Variants in WDR7 observed in about 807,000 individuals in gnomAD.
The protein encoded by WDR7 is WD repeat domain 7, also known as WD repeat-containing protein 7.
A neutral mutation model predicts 169.4 loss-of-function variants in WDR7; 46 were observed. That is an observed-to-expected ratio of 0.27 (90% CI 0.21 to 0.35). The LOEUF is 0.35. Ranked by LOEUF, WDR7 falls within the 10% of genes least tolerant of loss-of-function variation. WDR7 has a pLI of 1.00. For synonymous variants in WDR7, 612 were observed against 666.8 expected (o/e 0.92, Z 1.27); for missense variants, 1,534 against 1,859.3 (o/e 0.83, Z 3.22).
At chr18:56,662,821 A>G (rs1305815003) in intron 1 of WDR7, among the ~76,000 whole-genome samples, 2 of 152,244 alleles carry the variant, frequency 1.3e-5, no homozygotes, top group East Asian at 3.8e-4. Flanking sequence ...AACATTCTAC[A>G]AACAATTGGT....
intron 1 of WDR7, among the ~76,000 whole-genome samples, chr18:56,663,575 GATGCACAGACTTTTTAAAAACACACATAT>G (rs2144466708): frequency 6.6e-6 from 1 of 151,636 alleles, no homozygotes; most frequent in East Asian, 1.9e-4. Flanking sequence ...TACACATATA[GATGCACAGACTTTTTAAAAACACACATAT>G]ATGCACAGCA....
intron 5 of WDR7, among the ~76,000 whole-genome samples, chr18:56,684,005 A>G (rs1046766361): frequency 1.3e-5 from 2 of 152,154 alleles, no homozygotes; most frequent in Non-Finnish European, 2.9e-5. Context: ...ATGGAAAAAT[A>G]GTATGGAGAG....
At chr18:56,789,863 AGTCT>A (rs2044457936) in intron 19 of WDR7, among the ~76,000 whole-genome samples, 2 of 152,230 alleles carry the variant, frequency 1.3e-5, no homozygotes, top group South Asian at 4.1e-4. Flanking sequence ...TACATACTTA[AGTCT>A]AAGAGGACTG....
chr18:56,656,904 T>G (rs1199659812), intron 1 of WDR7, among the ~76,000 whole-genome samples: 2 of 152,150 alleles, frequency 1.3e-5, no homozygotes, highest in Admixed American at 6.5e-5. Flanking sequence ...AGTAAAATAT[T>G]GTAGTTTATA....
chr18:56,797,560 T>C (rs1222471141), intron 19 of WDR7, among the ~76,000 whole-genome samples: 4 of 151,934 alleles, frequency 2.6e-5, no homozygotes, highest in Admixed American at 6.6e-5. Flanking sequence ...AAATAGGATA[T>C]GTAGGAAAAG....
chr18:56,883,002 C>T (rs895504290), intron 21 of WDR7, among the ~76,000 whole-genome samples: 21 of 151,912 alleles, frequency 1.4e-4, no homozygotes, highest in Non-Finnish European at 2.5e-4. Flanking sequence ...GTGGGTGGAT[C>T]GGGAGGTCAG....
At chr18:56,719,665 T>C (rs181727824) in intron 13 of WDR7, among the ~76,000 whole-genome samples, 1 of 152,250 alleles carries the variant, frequency 6.6e-6, no homozygotes, top group East Asian at 1.9e-4. Context: ...AATAGCAGTC[T>C]TGTGTTTTCT....
intron 14 of WDR7, 111 bp from the exon 15 acceptor site, chr18:56,756,469 TAGA>T (rs1248108112): frequency 1.8e-5 from 18 of 973,732 alleles, no homozygotes; most frequent in Non-Finnish European, 2.5e-5. Context: ...TATAGGTTCC[TAGA>T]AGGACAGCTT....
At chr18:56,950,761 G>A (rs1028955501) in intron 25 of WDR7, among the ~76,000 whole-genome samples, 2 of 152,056 alleles carry the variant, frequency 1.3e-5, no homozygotes, top group Admixed American at 6.5e-5. Context: ...ACTTTTCTTG[G>A]GATTCCTGAC....
intron 25 of WDR7, among the ~76,000 whole-genome samples, chr18:56,956,282 T>A (rs1413922593): frequency 6.6e-6 from 1 of 152,104 alleles, no homozygotes; most frequent in Non-Finnish European, 1.5e-5. Context: ...ACAACACAGC[T>A]CGCCCTGAGC....
Position 56,816,124 on chromosome 18 carries a change from T to C in WDR7, c.3284T>C (p.Val1095Ala). 6.2e-7 allele frequency: 1 copy of C among 1,613,716 alleles called. No homozygotes were observed. Among genetic ancestry groups the C allele is most frequent in the Non-Finnish European group, 8.5e-7 (1 of 1,179,884 alleles). Residue 1095 changes from valine (V) to alanine (A), a missense_variant, in exon 20 of 28, where the codon GTT becomes GCT. By Grantham distance (64) the Val-to-Ala change is moderately conservative. Transcript: ENST00000254442. ...AKVQEEEHDLVDDDITTGCLS... is the reference protein window; with the variant it reads ...AKVQEEEHDLADDDITTGCLS... ...GTCCAGGAGGAAGAGCATGACCTTG[T>C]TGACGATGACATCACCACTGGTAAG...
chr18:56,939,768 G>A (rs952244159), intron 25 of WDR7, among the ~76,000 whole-genome samples: 29 of 151,908 alleles, frequency 1.9e-4, no homozygotes, highest in African/African-American at 6.3e-4. Flanking sequence ...TTTGTGCCAC[G>A]CTTTCACTGA....
rs937422032 is a variant in WDR7 at position 56,953,323 on chromosome 18, A to T, written c.4065-9107A>T. On this transcript the variant is annotated intron_variant, in intron 25 of 27. Transcript: ENST00000254442. ...ATATTTATAACACTATATGGTGTTT[A>T]TCTTTAGAACTGAAAATAAAAATGA... Among the ~76,000 whole-genome samples, 46 of 152,234 alleles carry T rather than the reference A, an allele frequency of 3.0e-4. 1 individual carries two copies. Among genetic ancestry groups the T allele is most frequent in the Non-Finnish European group, 6.5e-4 (44 of 68,020 alleles).
At chr18:56,770,094 CT>C (rs2044129785) in intron 16 of WDR7, among the ~76,000 whole-genome samples, 1 of 152,140 alleles carries the variant, frequency 6.6e-6, no homozygotes, top group South Asian at 2.1e-4. Flanking sequence ...ATAACCTTCT[CT>C]TTATGTTTCT....
intron 21 of WDR7, among the ~76,000 whole-genome samples, chr18:56,921,660 C>T (rs1298336625): frequency 6.6e-6 from 1 of 152,110 alleles, no homozygotes; most frequent in Non-Finnish European, 1.5e-5. Context: ...AAAGGAGGGT[C>T]TTTTGAAAGG....
intron 20 of WDR7, among the ~76,000 whole-genome samples, chr18:56,835,997 A>G (rs1439856441): frequency 6.6e-6 from 1 of 152,194 alleles, no homozygotes; most frequent in Admixed American, 6.5e-5. Context: ...TTCTTTGAAT[A>G]TGAGATGCTT....
chr18:56,976,083 T>G (rs886585021), intron 26 of WDR7, among the ~76,000 whole-genome samples: 2 of 151,942 alleles, frequency 1.3e-5, no homozygotes, highest in African/African-American at 4.8e-5. Flanking sequence ...TGAGGTTGAA[T>G]TGAAGAAGGT....
intron 19 of WDR7, among the ~76,000 whole-genome samples, chr18:56,788,875 A>G (rs1479128475): frequency 6.6e-6 from 1 of 152,208 alleles, no homozygotes; most frequent in Non-Finnish European, 1.5e-5. Context: ...TGACTGAGTG[A>G]TATATATGAA....
intron 25 of WDR7, among the ~76,000 whole-genome samples, chr18:56,941,922 A>G (rs993262776): frequency 5.9e-5 from 9 of 152,226 alleles, no homozygotes; most frequent in Admixed American, 5.9e-4. Context: ...GGTTCTGCCT[A>G]GTGCCCTGAG....
Sources: gnomAD v4.1 joint callset for allele counts (sites outside exome capture counted in the v4.1 genomes callset) on GRCh38, gnomAD v4.1.1 for gene constraint, MANE v1.5 for transcripts, NCBI Gene and HGNC (gene_info 2026-07-23, HGNC 2026-07-21) for gene names.